Variants in IL36A observed in about 807,000 individuals in gnomAD.
The protein encoded by IL36A is interleukin 36 alpha, also known as interleukin-36 alpha.
Under a neutral mutation model 12.7 loss-of-function variants are expected in IL36A, and 13 were observed. The ratio of observed to expected loss-of-function variants is 1.02; its 90% CI spans 0.67 to 1.63. The LOEUF is 1.63. Ranked by LOEUF, IL36A falls within the 40% of genes most tolerant of loss-of-function variation. The probability of loss-of-function intolerance (pLI) is 0.00; values close to 1 mark genes in which losing one functional copy is unlikely to be tolerated. For missense variants in IL36A, 195 were observed against 192.9 expected (o/e 1.01, Z -0.07); for synonymous variants, 73 against 71.9 (o/e 1.01, Z -0.08).
downstream of IL36A, chr2:113,008,644 G>A (rs770688488): frequency 2.3e-4 from 37 of 163,532 alleles, no homozygotes; most frequent in Non-Finnish European, 3.9e-4. Flanking sequence ...GGAGTATCAA[G>A]ACCTTTTGGA....
downstream of IL36A, chr2:113,008,423 C>T (rs991818153): frequency 5.3e-5 from 9 of 171,238 alleles, no homozygotes; most frequent in South Asian, 1.2e-4. Context: ...TGCAGTGGCG[C>T]GATCTCGGCT....
Sources: gnomAD v4.1 joint callset for allele counts on GRCh38, gnomAD v4.1.1 for gene constraint, MANE v1.5 for transcripts, NCBI Gene and HGNC (gene_info 2026-07-23, HGNC 2026-07-21) for gene names.